PPP1R2: variants seen among roughly 807,000 people sequenced by gnomAD.
The protein encoded by PPP1R2 is protein phosphatase inhibitor 2.
Under a neutral mutation model 29.9 loss-of-function variants are expected in PPP1R2, and 16 were observed. That is an observed-to-expected ratio of 0.53 (90% CI 0.36 to 0.81). PPP1R2 has a LOEUF of 0.81. PPP1R2 is among the 30% of genes least tolerant of loss of function. The pLI is 0.00. For missense variants in PPP1R2, 197 were observed against 252.7 expected (o/e 0.78, Z 1.49); for synonymous variants, 76 against 91.5 (o/e 0.83, Z 0.96).
At chr3:195,531,739 C>T (rs1249374642) in intron 1 of PPP1R2, among the ~76,000 whole-genome samples, 6 of 152,178 alleles carry the variant, frequency 3.9e-5, no homozygotes, top group Admixed American at 2.6e-4. Context: ...CTAGCCATTA[C>T]GAAGTGTACA....
intron 1 of PPP1R2, among the ~76,000 whole-genome samples, chr3:195,535,376 C>T (rs1719339467): frequency 2.0e-5 from 3 of 152,152 alleles, no homozygotes; most frequent in African/African-American, 7.2e-5. Flanking sequence ...GGAAGGGTTT[C>T]ACCACTGTGT....
Position 195,524,087 on chromosome 3 carries a change from C to CA in PPP1R2, c.309-302dup, listed in dbSNP as rs552931240. 2.2e-3 allele frequency among the ~76,000 whole-genome samples: 272 copies of CA among 125,530 alleles called. 1 individual carries two copies. Among genetic ancestry groups the CA allele is most frequent in the Admixed American group, 3.9e-3 (48 of 12,280 alleles). 82.4% of individuals were successfully genotyped at this position (125,530 alleles called of 152,430 possible). On this transcript the variant is annotated intron_variant, in intron 3 of 5. Transcript: ENST00000618156. ...TGAGTGATAGAACAAGGCCCTGTCT[C>CA]AAAAAAAAAAAAAGAATAAAAAGAG...
intron 4 of PPP1R2, 145 bp downstream of exon 4, chr3:195,523,547 G>T: frequency 1.5e-6 from 1 of 648,586 alleles, no homozygotes. Flanking sequence ...CACACAAGTA[G>T]TATCTGAATT....
intron 1 of PPP1R2, among the ~76,000 whole-genome samples, chr3:195,540,312 C>T (rs1191676008): frequency 1.3e-5 from 2 of 152,124 alleles, no homozygotes; most frequent in Non-Finnish European, 2.9e-5. Context: ...GTGTCCTTTT[C>T]GTGGCCTATT....
rs1718538061 is a variant in PPP1R2, at chr3:195,516,146, T to C, written c.*750A>G. 1 of 152,544 alleles carries C rather than the reference T, an allele frequency of 6.6e-6. No homozygotes were observed. The highest frequency in any genetic ancestry group is 6.6e-5 in the Admixed American group (1 of 15,264). 9.4% of individuals were successfully genotyped at this position (152,544 alleles called of 1,614,324 possible). A position where few individuals can be genotyped will look rare whatever the true frequency, so the allele number is the denominator to read the frequency against. On this transcript the variant is annotated 3_prime_UTR_variant, in exon 6 of 6. Transcript: ENST00000618156. Reference sequence around the variant, plus strand: ...GAGATAGCTACATTAGAATATTTATTTTTTTAAAAAACTGCTCTGAAGTCT... The same window carrying C: ...GAGATAGCTACATTAGAATATTTATCTTTTTAAAAAACTGCTCTGAAGTCT...
intron 1 of PPP1R2, among the ~76,000 whole-genome samples, chr3:195,536,293 T>TAA (rs10645669): frequency 2.6e-5 from 3 of 115,506 alleles, no homozygotes; most frequent in South Asian, 2.7e-4. Context: ...ACCCTGTCTT[T>TAA]AAAAAAAAAA....
chr3:195,523,160 T>C (rs555861783), intron 4 of PPP1R2: 1 of 157,974 alleles, frequency 6.3e-6, no homozygotes, highest in Admixed American at 6.0e-5. Context: ...CTGAATGGCC[T>C]ACGAGACCCT....
chr3:195,519,215 G>A (rs780099994), intron 4 of PPP1R2, 30 bp from the exon 5 acceptor site: 3 of 1,524,004 alleles, frequency 2.0e-6, no homozygotes, highest in East Asian at 2.3e-5. Context: ...AACTTAGGAA[G>A]TTTGAGCTCA....
intron 4 of PPP1R2, among the ~76,000 whole-genome samples, chr3:195,521,269 C>T (rs1051262258): frequency 3.0e-5 from 4 of 135,224 alleles, no homozygotes; most frequent in East Asian, 2.5e-4. Flanking sequence ...GAGCGAAGAT[C>T]GCGCCACTGC....
chr3:195,516,828 A>C lies in PPP1R2; in HGVS notation c.*68T>G, dbSNP rs1314427043. On this transcript the variant is annotated 3_prime_UTR_variant, in exon 6 of 6. Transcript: ENST00000618156. ...ACTTAAGTCATGAATTGTGAAGAACAAGAAGCAACGTACTATAGTCACAGG... is the reference window on the plus strand; with the variant it reads ...ACTTAAGTCATGAATTGTGAAGAACCAGAAGCAACGTACTATAGTCACAGG... The C allele has an allele frequency of 1.9e-5, 26 of 1,381,970 alleles. No homozygotes were observed. In the Middle Eastern group the frequency reaches 7.1e-4, roughly 38 times the overall value. 85.6% of individuals were successfully genotyped at this position (1,381,970 alleles called of 1,614,324 possible).
Position 195,542,963 on chromosome 3 carries a change from C to T in PPP1R2, c.63G>A (p.Thr21=), listed in dbSNP as rs1022022633. 1.2e-6 allele frequency: 2 copies of T among 1,603,260 alleles called. No individual in the cohort carries two copies. Among genetic ancestry groups the T allele is most frequent in the Non-Finnish European group, 8.5e-7 (1 of 1,174,848 alleles). ...CGGCCGACGCCACCATAGAGGAAGT[C>T]GTAGAGGTCTTGTTCTTCAAGATCC... The part of the protein sequence containing the change: ...IKGILKNKTS[T]TSSMVASAEQ... The change falls in exon 1 of 6, where the codon ACG becomes ACA. Residue 21 remains threonine, a synonymous_variant. Transcript: ENST00000618156.
rs1458805000 is a variant in PPP1R2, at chr3:195,523,716, T to C, written c.379A>G (p.Ser127Gly). 3 of 1,614,014 alleles carry C rather than the reference T, an allele frequency of 1.9e-6. No individual in the cohort carries two copies. Among genetic ancestry groups the C allele is most frequent in the Non-Finnish European group, 2.5e-6 (3 of 1,179,994 alleles). ...CCTCGTTCTTCAGGTGAGAGGTCAC[T>C]ATCCTCCTCTCCACTGCTTTCTTGT... ...QEQESSGEED[S>G]DLSPEEREKK... is the part of the protein sequence containing the mutation. Residue 127 changes from serine to glycine, a missense_variant, in exon 4 of 6, where the codon AGT becomes GGT. Around this residue, in one of 3 missense-constraint regions of PPP1R2, gnomAD observed 135 missense variants for 163.0 expected, o/e 0.83. Coordinates refer to ENST00000618156, the MANE Select transcript of PPP1R2 (RefSeq NM_006241.8).
intron 3 of PPP1R2, 88 bp downstream of exon 3, chr3:195,524,731 C>T (rs2108942584): frequency 8.1e-7 from 1 of 1,241,210 alleles, no homozygotes. Context: ...TCTTCCCGCT[C>T]ATACAGGGAC....
chr3:195,542,992 T>TG lies in PPP1R2; in HGVS notation c.33dup (p.Lys12GlnfsTer38). 6.2e-7 allele frequency: 1 copy of TG among 1,602,284 alleles called. No individual in the cohort carries two copies. The highest frequency in any genetic ancestry group is 8.5e-7 in the Non-Finnish European group (1 of 1,174,710). Reference sequence around the variant, plus strand: ...GAGGTCTTGTTCTTCAAGATCCCCTTGATGGGCCGGTGCGAGGCCGTCGAG... The same window carrying TG: ...GAGGTCTTGTTCTTCAAGATCCCCTTGGATGGGCCGGTGCGAGGCCGTCGAG... On this transcript the variant is annotated frameshift_variant, in exon 1 of 6. Coordinates refer to ENST00000618156, the MANE Select transcript of PPP1R2 (RefSeq NM_006241.8). LOFTEE classifies it high-confidence loss of function.
At chr3:195,529,586 T>C in intron 2 of PPP1R2, 1 of 421,268 alleles carries the variant, frequency 2.4e-6, no homozygotes, top group Non-Finnish European at 4.2e-6. Context: ...ACTACTACCA[T>C]TATAATGTAC....
At chr3:195,528,190 G>A (rs1719045440) in intron 2 of PPP1R2, among the ~76,000 whole-genome samples, 1 of 151,952 alleles carries the variant, frequency 6.6e-6, no homozygotes, top group Admixed American at 6.6e-5. Context: ...TCATTCTTAT[G>A]CCTTTGCTTA....
At chr3:195,517,549 G>T (rs945278385) in intron 5 of PPP1R2, among the ~76,000 whole-genome samples, 1 of 151,934 alleles carries the variant, frequency 6.6e-6, no homozygotes, top group Admixed American at 6.6e-5. Flanking sequence ...GAAAAATCAG[G>T]CACTGACCTA....
intron 4 of PPP1R2, among the ~76,000 whole-genome samples, chr3:195,520,485 G>A (rs1360049174): frequency 2.0e-5 from 3 of 152,086 alleles, no homozygotes; most frequent in Admixed American, 2.0e-4. Flanking sequence ...GGTAGTACAC[G>A]ACTGTGGTCC....
intron 4 of PPP1R2, among the ~76,000 whole-genome samples, chr3:195,521,287 C>T (rs1178246864): frequency 8.9e-5 from 11 of 122,918 alleles, no homozygotes; most frequent in Non-Finnish European, 1.3e-4. Flanking sequence ...TGCACTCCAG[C>T]CTGGGCGACA....
Sources: gnomAD v4.1 joint callset for allele counts (sites outside exome capture counted in the v4.1 genomes callset) on GRCh38, gnomAD v4.1.1 for gene constraint, gnomAD v4.1.1 regional missense constraint, MANE v1.5 for transcripts, NCBI Gene and HGNC (gene_info 2026-07-23, HGNC 2026-07-21) for gene names.